MARCHF11: variants seen among roughly 807,000 people sequenced by gnomAD.
MARCHF11 encodes the protein E3 ubiquitin-protein ligase MARCHF11.
MARCHF11 carries 29 observed loss-of-function variants against 37.3 expected under a neutral mutation model. The ratio of observed to expected loss-of-function variants is 0.78; its 90% CI spans 0.58 to 1.06. The LOEUF (loss-of-function observed/expected upper bound fraction) is 1.06, where lower values mean the gene tolerates loss of function less well. Ranked by LOEUF, MARCHF11 falls within the 50% of genes least tolerant of loss-of-function variation. The probability of loss-of-function intolerance (pLI) is 0.00; values close to 1 mark genes in which losing one functional copy is unlikely to be tolerated. For synonymous variants in MARCHF11, 233 were observed against 228.0 expected (o/e 1.02, Z -0.20); for missense variants, 482 against 533.4 (o/e 0.90, Z 0.95).
chr5:16,084,141 T>C (rs1360385552), intron 3 of MARCHF11, among the ~76,000 whole-genome samples: 1 of 152,210 alleles, frequency 6.6e-6, no homozygotes, highest in African/African-American at 2.4e-5. Context: ...ACCCTCACTT[T>C]AAAAAATGTA....
chr5:16,139,788 G>C (rs1422562622), intron 2 of MARCHF11, among the ~76,000 whole-genome samples: 1 of 151,958 alleles, frequency 6.6e-6, no homozygotes, highest in African/African-American at 2.4e-5. Flanking sequence ...TCCTGACAAA[G>C]AATGATCAAG....
intron 2 of MARCHF11, among the ~76,000 whole-genome samples, chr5:16,112,050 T>C (rs527589243): frequency 6.6e-6 from 1 of 152,322 alleles, no homozygotes; most frequent in Admixed American, 6.5e-5. Context: ...TGGAAATGCC[T>C]AGATGTTCAG....
chr5:16,179,353 G>A lies in MARCHF11; in HGVS notation c.223C>T (p.Arg75Trp), dbSNP rs1738427077. Residue 75 changes from arginine (R) to tryptophan (W), a missense_variant, in exon 1 of 4, where the codon CGG (arginine) becomes TGG (tryptophan). By Grantham distance (101) the Arg-to-Trp change is moderately radical. Transcript: ENST00000332432. ...PSEPLGEVAPRCRGADELPPP... is the reference protein window; with the variant it reads ...PSEPLGEVAPWCRGADELPPP... Reference sequence around the variant, plus strand: ...GGCAGCTCGTCCGCTCCCCTGCACCGCGGGGCCACCTCCCCTAGCGGCTCG... The same window carrying A: ...GGCAGCTCGTCCGCTCCCCTGCACCACGGGGCCACCTCCCCTAGCGGCTCG... The A allele has an allele frequency of 2.5e-6, 3 of 1,184,684 alleles. No individual in the cohort carries two copies. Among genetic ancestry groups the A allele is most frequent in the South Asian group, 7.8e-5 (2 of 25,768 alleles). 73.4% of individuals were successfully genotyped at this position (1,184,684 alleles called of 1,614,324 possible). A position where few individuals can be genotyped will look rare whatever the true frequency, so the allele number is the denominator to read the frequency against.
intron 2 of MARCHF11, among the ~76,000 whole-genome samples, chr5:16,097,229 T>C (rs1736883637): frequency 6.6e-6 from 1 of 152,350 alleles, no homozygotes; most frequent in South Asian, 2.1e-4. Context: ...TCTCAATGTG[T>C]AATCAAGTTG....
chr5:16,132,627 A>C (rs1419230454), intron 2 of MARCHF11, among the ~76,000 whole-genome samples: 2 of 152,210 alleles, frequency 1.3e-5, no homozygotes, highest in Non-Finnish European at 2.9e-5. Flanking sequence ...TGCTGGGGGA[A>C]CAAAATAGGG....
chr5:16,171,747 A>G (rs1178067951), intron 2 of MARCHF11, among the ~76,000 whole-genome samples: 1 of 152,152 alleles, frequency 6.6e-6, no homozygotes, highest in Non-Finnish European at 1.5e-5. Context: ...ATAGTAATAC[A>G]AATGTTATCA....
intron 2 of MARCHF11, among the ~76,000 whole-genome samples, chr5:16,091,911 C>T (rs988985243): frequency 2.6e-5 from 4 of 152,090 alleles, no homozygotes; most frequent in Admixed American, 6.6e-5. Flanking sequence ...GAAGCAGAAA[C>T]GAAACAAGAA....
At chr5:16,137,263 A>G (rs1579404789) in intron 2 of MARCHF11, among the ~76,000 whole-genome samples, 1 of 152,164 alleles carries the variant, frequency 6.6e-6, no homozygotes, top group Non-Finnish European at 1.5e-5. Flanking sequence ...ACCCAGTGGG[A>G]GGTAATTCAA....
At chr5:16,111,807 T>C (rs1415491595) in intron 2 of MARCHF11, among the ~76,000 whole-genome samples, 1 of 151,956 alleles carries the variant, frequency 6.6e-6, no homozygotes, top group Non-Finnish European at 1.5e-5. Context: ...GAGGAAAAAA[T>C]GGTTTCCTGG....
chr5:16,147,214 G>A (rs939895813), intron 2 of MARCHF11, among the ~76,000 whole-genome samples: 1 of 152,146 alleles, frequency 6.6e-6, no homozygotes, highest in African/African-American at 2.4e-5. Flanking sequence ...TCAGTGCTTA[G>A]TCTCTATGCT....
intron 2 of MARCHF11, among the ~76,000 whole-genome samples, chr5:16,158,055 A>G (rs1020566540): frequency 1.3e-5 from 2 of 151,978 alleles, no homozygotes; most frequent in Admixed American, 6.6e-5. Context: ...AGGAAGACAT[A>G]TGAAACAGGC....
chr5:16,146,846 G>T (rs991700511), intron 2 of MARCHF11, among the ~76,000 whole-genome samples: 2 of 152,068 alleles, frequency 1.3e-5, no homozygotes, highest in South Asian at 2.1e-4. Context: ...TCTTAAGAAA[G>T]AACAACTCTT....
intron 2 of MARCHF11, among the ~76,000 whole-genome samples, chr5:16,150,283 C>T (rs3910975): frequency 0.037 from 5,486 of 149,306 alleles, 993 homozygotes; most frequent in African/African-American, 0.13. Flanking sequence ...CTGCTCAAAA[C>T]TAGTAAGTAG....
chr5:16,085,113 A>ATT (rs1560970016), intron 3 of MARCHF11, among the ~76,000 whole-genome samples: 2 of 152,156 alleles, frequency 1.3e-5, no homozygotes, highest in Non-Finnish European at 2.9e-5. Flanking sequence ...AGAGAGAGCT[A>ATT]TTTTTCTTGA....
In MARCHF11 at chr5:16,090,882, G is replaced by C. The variant is rs200914562; in HGVS notation, c.886+7C>G. On this transcript the variant is annotated splice_region_variant and intron_variant, in intron 3 of 3. Coordinates refer to ENST00000332432, the MANE Select transcript of MARCHF11 (RefSeq NM_001102562.3). ...CAGTGTGTTAACGTTGAAGGTCATG[G>C]TCTTACCTATGCACACTAGATCCAT... is the stretch of plus-strand genomic sequence containing the variant. 1.4e-5 allele frequency: 21 copies of C among 1,544,258 alleles called. No homozygotes were observed. The African/African-American group carries it at 2.4e-4, about 18-fold the overall frequency.
At chr5:16,105,815 T>C (rs1251277376) in intron 2 of MARCHF11, among the ~76,000 whole-genome samples, 1 of 152,216 alleles carries the variant, frequency 6.6e-6, no homozygotes, top group African/African-American at 2.4e-5. Flanking sequence ...TTTCATTTTA[T>C]CTTTCACTTG....
intron 3 of MARCHF11, among the ~76,000 whole-genome samples, chr5:16,085,992 C>A (rs1379347552): frequency 2.1e-5 from 3 of 145,940 alleles, no homozygotes; most frequent in Non-Finnish European, 4.5e-5. Context: ...ATTACTCAAC[C>A]CAGACTTTCC....
At chr5:16,123,988 CA>C (rs142376757) in intron 2 of MARCHF11, among the ~76,000 whole-genome samples, 4,644 of 149,182 alleles carry the variant, frequency 0.031, 247 homozygotes, top group African/African-American at 0.11. Context: ...TACCTTCCTC[CA>C]AAAAAAAACA....
rs371825662 is a variant in MARCHF11 at position 16,070,062 on chromosome 5, T to C, written c.887-2269A>G. ...AAATAATGAGAAATGTAAACTTCTG[T>C]TCATCATAACAATTTCAAATAATTG... On this transcript the variant is annotated intron_variant, in intron 3 of 3. Coordinates refer to ENST00000332432, the MANE Select transcript of MARCHF11 (RefSeq NM_001102562.3). Among the ~76,000 whole-genome samples the C allele has an allele frequency of 2.6e-5, 4 of 152,322 alleles. No individual in the cohort carries two copies. In the East Asian group the frequency reaches 7.7e-4, roughly 29 times the overall value.
Sources: gnomAD v4.1 joint callset for allele counts (sites outside exome capture counted in the v4.1 genomes callset) on GRCh38, gnomAD v4.1.1 for gene constraint, MANE v1.5 for transcripts, NCBI Gene and HGNC (gene_info 2026-07-23, HGNC 2026-07-21) for gene names.